Variants in TIAM2 observed in about 807,000 individuals in gnomAD.
TIAM2 encodes rho guanine nucleotide exchange factor TIAM2.
Under a neutral mutation model 152.9 loss-of-function variants are expected in TIAM2, and 80 were observed. The ratio of observed to expected loss-of-function variants is 0.52; its 90% confidence interval spans 0.44 to 0.63. The LOEUF is 0.63. TIAM2 is among the 30% of genes least tolerant of loss of function. The pLI is 0.00. For missense variants in TIAM2, 1,965 were observed against 2,120.1 expected, an observed-to-expected ratio of 0.93 and a Z score of 1.44; for synonymous variants, 804 against 838.0, an observed-to-expected ratio of 0.96 and a Z score of 0.70.
At chr6:155,062,168 C>T (rs1777596894) in intron 1 of TIAM2, among the ~76,000 whole-genome samples, 1 of 138,216 alleles carries the variant, frequency 7.2e-6, no homozygotes, top group African/African-American at 2.7e-5. Flanking sequence ...AATCAGTAGA[C>T]TGCTCTTTTT....
At chr6:155,189,622 C>G (rs1360778522) in intron 14 of TIAM2, among the ~76,000 whole-genome samples, 1 of 151,870 alleles carries the variant, frequency 6.6e-6, no homozygotes, top group East Asian at 1.9e-4. Flanking sequence ...AACAGATAAC[C>G]TTTTGTTAAA....
At chr6:155,145,072 C>T (rs17085997) in intron 6 of TIAM2, among the ~76,000 whole-genome samples, 1,525 of 152,240 alleles carry the variant, frequency 0.01, 24 homozygotes, top group African/African-American at 0.035. Context: ...CCTGGAGTAG[C>T]TGGCGATCTA....
intron 14 of TIAM2, among the ~76,000 whole-genome samples, chr6:155,210,586 C>T (rs1781696741): frequency 6.6e-6 from 1 of 152,156 alleles, no homozygotes; most frequent in East Asian, 1.9e-4. Context: ...ATTCTCTCGC[C>T]TTGGCCTCCC....
intron 1 of TIAM2, among the ~76,000 whole-genome samples, chr6:155,060,321 G>T (rs1301650230): frequency 6.6e-6 from 1 of 152,160 alleles, no homozygotes; most frequent in Non-Finnish European, 1.5e-5. Flanking sequence ...AGAATTGCCT[G>T]AATCTGGGAG....
At position 155,176,835 on chromosome 6, in the gene TIAM2, T is replaced by C; in HGVS notation, c.2381T>C (p.Ile794Thr). Reference sequence around the variant, plus strand: ...AAACAGGTCGATGAACTTCTGCATATATATGGTTCAACAGTAGACGGTGTT... The same window carrying C: ...AAACAGGTCGATGAACTTCTGCATACATATGGTTCAACAGTAGACGGTGTT... ...SITQVDELLH[I>T]YGSTVDGVPR... Residue 794 changes from isoleucine to threonine, a missense_variant, in exon 10 of 27, where the codon ATA becomes ACA. Around this residue, in one of 3 missense-constraint regions of TIAM2, gnomAD observed 1,025 missense variants for 1,119.4 expected, o/e 0.92. Coordinates refer to ENST00000682666, the MANE Select transcript of TIAM2 (RefSeq NM_012454.4). 6.2e-7 allele frequency: 1 copy of C among 1,612,586 alleles called. No homozygotes were observed. Among genetic ancestry groups the C allele is most frequent in the African/African-American group, 1.3e-5 (1 of 74,906 alleles).
chr6:155,021,591 C>A (rs1466142993), intron 1 of TIAM2, among the ~76,000 whole-genome samples: 1 of 152,094 alleles, frequency 6.6e-6, no homozygotes, highest in Non-Finnish European at 1.5e-5. Context: ...TTTGAAAAAC[C>A]ACTATGTTGT....
At position 155,250,527 on chromosome 6, in the gene TIAM2, T is replaced by C. The variant is rs777026732; in HGVS notation, c.3952-386T>C. On this transcript the variant is annotated intron_variant, in intron 21 of 26. Coordinates refer to ENST00000682666, the MANE Select transcript of TIAM2 (RefSeq NM_012454.4). ...CTCTGGCCAGTTTCAATGCTGGTGC[T>C]CTTTTATCAGCAGCCCGAATGGAGC... is the stretch of plus-strand genomic sequence containing the variant. 1.4e-5 allele frequency: 21 copies of C among 1,535,400 alleles called. No homozygotes were observed. The South Asian group carries it at 2.5e-4, about 18-fold the overall frequency.
chr6:155,226,264 A>G (rs1782237361), intron 15 of TIAM2, among the ~76,000 whole-genome samples: 1 of 152,226 alleles, frequency 6.6e-6, no homozygotes, highest in East Asian at 1.9e-4. Context: ...TGAAGGTGTC[A>G]TAAGATACTA....
chr6:155,109,315 G>T (rs934738104), intron 2 of TIAM2, among the ~76,000 whole-genome samples: 1 of 152,096 alleles, frequency 6.6e-6, no homozygotes, highest in Non-Finnish European at 1.5e-5. Flanking sequence ...AATACAGGCC[G>T]TGAAGAACAA....
At chr6:155,199,277 C>T (rs1372102698) in intron 14 of TIAM2, among the ~76,000 whole-genome samples, 2 of 152,030 alleles carry the variant, frequency 1.3e-5, no homozygotes, top group Non-Finnish European at 2.9e-5. Context: ...AGGGTTTCAC[C>T]ATGTTGGCCA....
At chr6:155,247,554 G>T (rs1036618721) in intron 19 of TIAM2, among the ~76,000 whole-genome samples, 1 of 152,050 alleles carries the variant, frequency 6.6e-6, no homozygotes, top group Admixed American at 6.5e-5. Flanking sequence ...TCTCGAACTC[G>T]TGACCTCAGG....
rs1781766884 is a variant in TIAM2, at chr6:155,213,338, C to T, written c.3168+2031C>T. Among the ~76,000 whole-genome samples the T allele has an allele frequency of 6.6e-6, 1 of 152,116 alleles. No individual in the cohort carries two copies. The highest frequency in any genetic ancestry group is 1.5e-5 in the Non-Finnish European group (1 of 68,024). ...GCTGGTTGTCCCATAGAGTGTTCAC[C>T]TCTCAGCAGAGAGCAGACCCTGGAG... is the stretch of plus-strand genomic sequence containing the variant. On this transcript the variant is annotated intron_variant, in intron 15 of 26. Transcript: ENST00000682666. The surrounding 1 kb of genome is among the most constrained non-coding windows in gnomAD (Gnocchi z 4.2).
intron 14 of TIAM2, among the ~76,000 whole-genome samples, chr6:155,188,097 T>C (rs893194362): frequency 6.6e-6 from 1 of 152,198 alleles, no homozygotes; most frequent in African/African-American, 2.4e-5. Context: ...AGATAATGTG[T>C]GCAAAGTTCC....
At chr6:155,243,279 G>C (rs1783141913) in intron 16 of TIAM2, among the ~76,000 whole-genome samples, 1 of 152,122 alleles carries the variant, frequency 6.6e-6, no homozygotes, top group South Asian at 2.1e-4. Flanking sequence ...GACCCTCCCA[G>C]CTCCATGCTG....
chr6:155,190,869 G>A (rs187875850), intron 14 of TIAM2, among the ~76,000 whole-genome samples: 58 of 151,990 alleles, frequency 3.8e-4, no homozygotes, highest in African/African-American at 8.9e-4. Context: ...CTTTCCTGTC[G>A]GTGTTATGAG....
intron 15 of TIAM2, among the ~76,000 whole-genome samples, chr6:155,223,537 T>C (rs1782131863): frequency 6.6e-6 from 1 of 151,114 alleles, no homozygotes; most frequent in African/African-American, 2.4e-5. Flanking sequence ...CTTTTTTTTT[T>C]TTTTTTTACT....
rs114815467 is a variant in TIAM2, at chr6:155,130,342, G to T, written c.1119G>T (p.Lys373Asn). Residue 373 changes from lysine to asparagine, a missense_variant, in exon 4 of 27, where the codon AAG (lysine) becomes AAT (asparagine). Lys to Asn is a moderately conservative substitution (Grantham distance 94). Around this residue, in one of 3 missense-constraint regions of TIAM2, gnomAD observed 1,025 missense variants for 1,119.4 expected, o/e 0.92. Coordinates refer to ENST00000682666, the MANE Select transcript of TIAM2 (RefSeq NM_012454.4). ...CCTTTGTTGAGGATACTGCGAAGAAGGACTCCCTCAAAGCCAGGATGCGAC... is the reference window on the plus strand; with the variant it reads ...CCTTTGTTGAGGATACTGCGAAGAATGACTCCCTCAAAGCCAGGATGCGAC... ...PKAFVEDTAKKDSLKARMRRI... is the reference protein window; with the variant it reads ...PKAFVEDTAKNDSLKARMRRI... 2.8e-3 allele frequency: 4,515 copies of T among 1,614,050 alleles called. 120 individuals carry two copies. The African/African-American group carries it at 0.054, about 19-fold the overall frequency.
intron 1 of TIAM2, among the ~76,000 whole-genome samples, chr6:155,017,746 A>G (rs1583151996): frequency 6.6e-6 from 1 of 151,662 alleles, no homozygotes; most frequent in Non-Finnish European, 1.5e-5. Flanking sequence ...CTCATGATCC[A>G]CCTGCCTCGG....
At chr6:155,017,475 T>G (rs1398482050) in intron 1 of TIAM2, among the ~76,000 whole-genome samples, 8 of 150,654 alleles carry the variant, frequency 5.3e-5, no homozygotes, top group Admixed American at 5.3e-4. Flanking sequence ...CTGTCACTAC[T>G]GCTTCTACAA....
Sources: gnomAD v4.1 joint callset for allele counts (sites outside exome capture counted in the v4.1 genomes callset) on GRCh38, gnomAD v4.1.1 for gene constraint, gnomAD v4.1.1 regional missense constraint, Gnocchi (gnomAD v3.1) non-coding constraint, MANE v1.5 for transcripts, NCBI Gene and HGNC (gene_info 2026-07-23, HGNC 2026-07-21) for gene names.